The following ANKDD1A variants were observed in gnomAD, a reference collection of about 807,000 sequenced individuals.
The protein encoded by ANKDD1A is ankyrin repeat and death domain-containing protein 1A.
ANKDD1A carries 59 observed loss-of-function variants against 63.5 expected under a neutral mutation model. That is an observed-to-expected ratio of 0.93 (90% CI 0.75 to 1.15). ANKDD1A has a LOEUF of 1.15. Ranked by LOEUF, ANKDD1A falls within the 50% of genes most tolerant of loss-of-function variation. ANKDD1A has a pLI of 0.00. For missense variants in ANKDD1A, 632 were observed against 656.4 expected, an observed-to-expected ratio of 0.96 and a Z score of 0.41; for synonymous variants, 266 against 263.9, an observed-to-expected ratio of 1.01 and a Z score of -0.08.
intron 9 of ANKDD1A, among the ~76,000 whole-genome samples, chr15:64,940,715 G>A (rs538765834): frequency 2.6e-5 from 4 of 151,942 alleles, no homozygotes; most frequent in African/African-American, 9.7e-5. Flanking sequence ...TGGGATTACA[G>A]GCATGAGCCA....
Position 64,957,278 on chromosome 15 carries a change from T to C in ANKDD1A, c.*90T>C, listed in dbSNP as rs768282404. On this transcript the variant is annotated 3_prime_UTR_variant, in exon 15 of 15. Transcript: ENST00000319580. ...TGGCCATGATGGCCAGGCTGGAAAA[T>C]TGAAACATAATTTCACAATTATTCC... 2 of 293,366 alleles carry C rather than the reference T, an allele frequency of 6.8e-6. No individual in the cohort carries two copies. Among genetic ancestry groups the C allele is most frequent in the Non-Finnish European group, 1.3e-5 (2 of 149,674 alleles). The allele number at this position is 293,366 out of a possible 1,614,324, so 18.2% of individuals were successfully genotyped here. A position where few individuals can be genotyped will look rare whatever the true frequency, so the allele number is the denominator to read the frequency against.
rs111873940 is a variant in ANKDD1A, at chr15:64,926,027, C to T, written c.367-39C>T. Reference sequence around the variant, plus strand: ...CTGGCAGTGTGTGAAAAGGGCCTCCCTTCACAGACTGCAGGAACCCTCCTG... The same window carrying T: ...CTGGCAGTGTGTGAAAAGGGCCTCCTTTCACAGACTGCAGGAACCCTCCTG... On this transcript the variant is annotated intron_variant, in intron 4 of 14. Transcript: ENST00000319580. 7.2e-5 allele frequency: 113 copies of T among 1,578,910 alleles called. No homozygotes were observed. The African/African-American group carries it at 1.3e-3, about 18-fold the overall frequency.
intron 11 of ANKDD1A, 46 bp downstream of exon 11, chr15:64,943,628 C>A: frequency 6.3e-7 from 1 of 1,582,446 alleles, no homozygotes; most frequent in East Asian, 2.2e-5. Context: ...TCATGGCTCC[C>A]CCCTTGCCAG....
chr15:64,954,436 G>A (rs111067745), intron 14 of ANKDD1A, among the ~76,000 whole-genome samples: 20 of 143,068 alleles, frequency 1.4e-4, no homozygotes, highest in African/African-American at 4.0e-4. Context: ...TTCGTTCGTC[G>A]TCTTCTCCTT....
At chr15:64,951,964 CTTCT>C (rs1459950908) in intron 14 of ANKDD1A, among the ~76,000 whole-genome samples, 23 of 141,118 alleles carry the variant, frequency 1.6e-4, no homozygotes, top group African/African-American at 4.9e-4. Context: ...TCCTTCTGCT[CTTCT>C]TTCTTCTTCC....
chr15:64,949,067 G>C (rs531205151), intron 13 of ANKDD1A, among the ~76,000 whole-genome samples: 1 of 152,228 alleles, frequency 6.6e-6, no homozygotes, highest in African/African-American at 2.4e-5. Context: ...CATGCCTGCT[G>C]AGGGCCCCAA....
intron 6 of ANKDD1A, 38 bp from the exon 7 acceptor site, chr15:64,930,784 C>G (rs2085083520): frequency 2.5e-6 from 4 of 1,587,864 alleles, no homozygotes; most frequent in East Asian, 4.5e-5. Flanking sequence ...CTGGGACTCT[C>G]TGGTCTGCTG....
rs150254306 is a variant in ANKDD1A at position 64,917,624 on chromosome 15, C to T, written c.267+110C>T. On this transcript the variant is annotated intron_variant, in intron 3 of 14. Transcript: ENST00000319580. Reference sequence around the variant, plus strand: ...CTGCTAATATGCAGACATTCAGGTGCAGAGTGGTGGGGAGTCAGAGGCTTC... The same window carrying T: ...CTGCTAATATGCAGACATTCAGGTGTAGAGTGGTGGGGAGTCAGAGGCTTC... 6.5e-5 allele frequency: 95 copies of T among 1,451,320 alleles called. 1 individual carries two copies. The East Asian group carries it at 2.3e-3, about 35-fold the overall frequency. The allele number at this position is 1,451,320 out of a possible 1,614,324, so 89.9% of individuals were successfully genotyped here.
chr15:64,957,856 T>TAATA lies in ANKDD1A; in HGVS notation c.*669_*672dup, dbSNP rs1418988996. On this transcript the variant is annotated 3_prime_UTR_variant, in exon 15 of 15. Transcript: ENST00000319580. The stretch of plus-strand genomic sequence containing the variant: ...CAGATCAGTGCATATAGTATATTAC[T>TAATA]AATAGTATGCTGTTAATTGTGTAAG... 6.6e-6 allele frequency: 1 copy of TAATA among 152,184 alleles called. No homozygotes were observed. Among genetic ancestry groups the TAATA allele is most frequent in the Non-Finnish European group, 1.5e-5 (1 of 68,028 alleles). 9.4% of individuals were successfully genotyped at this position (152,184 alleles called of 1,614,324 possible).
At chr15:64,932,128 TCAAG>T in intron 8 of ANKDD1A, 1 of 154,860 alleles carries the variant, frequency 6.5e-6, no homozygotes, top group Non-Finnish European at 1.4e-5. Context: ...ACTCCTGACC[TCAAG>T]TGATCCACCT....
intron 14 of ANKDD1A, among the ~76,000 whole-genome samples, chr15:64,952,867 TC>T (rs1271228276): frequency 2.5e-5 from 2 of 79,430 alleles, no homozygotes; most frequent in East Asian, 4.3e-4. Context: ...CTTCTTCTTT[TC>T]TTCTCTTTCT....
At chr15:64,913,875 G>A (rs892278477) in intron 1 of ANKDD1A, among the ~76,000 whole-genome samples, 1 of 152,322 alleles carries the variant, frequency 6.6e-6, no homozygotes, top group African/African-American at 2.4e-5. Flanking sequence ...GAAAGGGCCA[G>A]CAAATATTTG....
rs763930275 is a variant in ANKDD1A, at chr15:64,944,657, A to G, written c.1071A>G (p.Gly357=). Residue 357 remains glycine (G), a synonymous_variant, in exon 12 of 15, where the codon GGA becomes GGG. Transcript: ENST00000319580. The part of the protein sequence containing the change: ...GVDLNLRDKQ[G]KTALAVAVRS... ...TTCTTGCCTCTTAATTGCAGCAGGG[A>G]AAAACCGCCCTGGCAGTGGCCGTCC... The G allele has an allele frequency of 6.2e-7, 1 of 1,613,690 alleles. No homozygotes were observed. The highest frequency in any genetic ancestry group is 1.1e-5 in the South Asian group (1 of 90,976).
intron 11 of ANKDD1A, among the ~76,000 whole-genome samples, 172 bp from the exon 12 acceptor site, chr15:64,944,480 G>A (rs2085208188): frequency 6.6e-6 from 1 of 152,128 alleles, no homozygotes; most frequent in South Asian, 2.1e-4. Flanking sequence ...TATTCTATTT[G>A]TGACTTTTCC....
intron 6 of ANKDD1A, among the ~76,000 whole-genome samples, chr15:64,929,963 G>A (rs1347825953): frequency 1.3e-5 from 2 of 152,102 alleles, no homozygotes; most frequent in African/African-American, 4.8e-5. Flanking sequence ...ATGAAGCCAG[G>A]AACCATCATC....
intron 3 of ANKDD1A, among the ~76,000 whole-genome samples, chr15:64,918,126 G>A (rs2084983584): frequency 6.6e-6 from 1 of 152,246 alleles, no homozygotes; most frequent in African/African-American, 2.4e-5. Flanking sequence ...CACTTTGGGA[G>A]GCCAAGTGGG....
intron 7 of ANKDD1A, 141 bp downstream of exon 7, chr15:64,931,061 C>A: frequency 1.2e-6 from 1 of 823,668 alleles, no homozygotes. Context: ...CAGGGAAAGA[C>A]AAGCAGCAGC....
At chr15:64,952,907 T>TCTC (rs1555397703) in intron 14 of ANKDD1A, among the ~76,000 whole-genome samples, 1 of 72,108 alleles carries the variant, frequency 1.4e-5, no homozygotes, top group Non-Finnish European at 4.1e-5. Context: ...TCCTTCCTTC[T>TCTC]CTTCTTCTCC....
Position 64,914,247 on chromosome 15 carries a change from A to C in ANKDD1A, c.35-1550A>C, listed in dbSNP as rs576596193. On this transcript the variant is annotated intron_variant, in intron 1 of 14. Coordinates refer to ENST00000319580, the MANE Select transcript of ANKDD1A (RefSeq NM_182703.6). ...GTGATCCATCCACCTCGGCCTCCCA[A>C]AGAGCTGGGATTACAGGTGTGAGCC... 2.6e-5 allele frequency: 4 copies of C among 152,244 alleles called. No homozygotes were observed. In the South Asian group the frequency reaches 8.3e-4, roughly 32 times the overall value. The allele number at this position is 152,244 out of a possible 1,614,324, so 9.4% of individuals were successfully genotyped here. A position where few individuals can be genotyped will look rare whatever the true frequency, so the allele number is the denominator to read the frequency against.
Sources: gnomAD v4.1 joint callset for allele counts (sites outside exome capture counted in the v4.1 genomes callset) on GRCh38, gnomAD v4.1.1 for gene constraint, MANE v1.5 for transcripts, NCBI Gene and HGNC (gene_info 2026-07-23, HGNC 2026-07-21) for gene names.